The following LLGL2 variants were observed in gnomAD, a reference collection of about 807,000 sequenced individuals.
The protein encoded by LLGL2 is LLGL2, scribble cell polarity complex component.
A neutral mutation model predicts 123.2 loss-of-function variants in LLGL2; 81 were observed. The ratio of observed to expected loss-of-function variants is 0.66; its 90% confidence interval spans 0.55 to 0.79. The LOEUF is 0.79. Ranked by LOEUF, LLGL2 falls within the 30% of genes least tolerant of loss-of-function variation. LLGL2 has a pLI of 0.00. For missense variants in LLGL2, 1,273 were observed against 1,414.6 expected (o/e 0.90, Z 1.61); for synonymous variants, 577 against 594.1 (o/e 0.97, Z 0.42).
At chr17:75,540,734 T>C (rs1311934457) in intron 1 of LLGL2, among the ~76,000 whole-genome samples, 1 of 152,188 alleles carries the variant, frequency 6.6e-6, no homozygotes, top group Non-Finnish European at 1.5e-5. Flanking sequence ...CTTGGTGACC[T>C]TGACAGGGTG....
chr17:75,568,087 A>G (rs1477071952), intron 10 of LLGL2: 1 of 1,120,948 alleles, frequency 8.9e-7, no homozygotes, highest in Non-Finnish European at 1.1e-6. Flanking sequence ...TGTGCTGAAG[A>G]CCACGCGTGC....
At chr17:75,526,399 G>A (rs2053574103) in intron 1 of LLGL2, among the ~76,000 whole-genome samples, 1 of 152,276 alleles carries the variant, frequency 6.6e-6, no homozygotes, top group Non-Finnish European at 1.5e-5. Flanking sequence ...TCACATGACA[G>A]TGCGGAGACC....
Position 75,558,836 on chromosome 17 carries a change from TCCGCACCCCAC to T in LLGL2, c.371+211_371+221del, listed in dbSNP as rs1598595634. 9 of 391,466 alleles carry T rather than the reference TCCGCACCCCAC, an allele frequency of 2.3e-5. No homozygotes were observed. The highest frequency in any genetic ancestry group is 3.2e-5 in the Non-Finnish European group (7 of 221,180). The allele number at this position is 391,466 out of a possible 1,614,324, so 24.2% of individuals were successfully genotyped here. ...CTCCATCCACACCACGCCTCCTCCA[TCCGCACCCCAC>T]CTCCTCCATCCGCACCCCGCCTCCT... On this transcript the variant is annotated intron_variant, in intron 5 of 25. Transcript: ENST00000392550. The surrounding 1 kb of genome is among the most constrained non-coding windows in gnomAD (Gnocchi z 4.0).
At chr17:75,550,673 T>A (rs912034148) in intron 2 of LLGL2, among the ~76,000 whole-genome samples, 2 of 150,514 alleles carry the variant, frequency 1.3e-5, no homozygotes, top group African/African-American at 4.9e-5. Context: ...TAGTTCTAGC[T>A]ACTCGGGAGA....
chr17:75,525,615 G>C (rs193241835), upstream of LLGL2: 1 of 150,278 alleles, frequency 6.7e-6, no homozygotes, highest in Non-Finnish European at 1.5e-5. This position sits in a 1 kb window ranked among gnomAD's most constrained non-coding sequence, Gnocchi z 4.8. Flanking sequence ...GCGCCGAGCT[G>C]GGGGGCGGGC....
At chr17:75,573,723 G>T (rs2055840369) in intron 21 of LLGL2, 92 bp downstream of exon 21, 2 of 1,382,144 alleles carry the variant, frequency 1.4e-6, no homozygotes, top group Admixed American at 4.4e-5. Flanking sequence ...CTGGCTGGAG[G>T]CACCTCCCCA....
chr17:75,563,843 C>T, intron 9 of LLGL2, 37 bp downstream of exon 9: 1 of 1,598,742 alleles, frequency 6.3e-7, no homozygotes, highest in Non-Finnish European at 8.6e-7. Context: ...CTCTCCAGAG[C>T]CTTCCTGGAG....
chr17:75,565,919 G>A (rs1220141091), intron 10 of LLGL2, among the ~76,000 whole-genome samples: 1 of 152,224 alleles, frequency 6.6e-6, no homozygotes, highest in African/African-American at 2.4e-5. Context: ...TGAGGCCCCT[G>A]TTCCCATGGA....
chr17:75,563,455 T>A lies in LLGL2; in HGVS notation c.818T>A (p.Val273Glu). 6.2e-7 allele frequency: 1 copy of A among 1,612,516 alleles called. No individual in the cohort carries two copies. The highest frequency in any genetic ancestry group is 8.5e-7 in the Non-Finnish European group (1 of 1,179,988). Reference protein sequence around the residue: ...AQQPEPLRSLVPYGPFPCKAI... With the variant: ...AQQPEPLRSLEPYGPFPCKAI... ...CAACCAGAGCCCCTCCGCAGCCTCG[T>A]GCCTTACGGTCAGTGTTTCACCCGC... Residue 273 changes from valine (V) to glutamate (E), a missense_variant, in exon 8 of 26, where the codon GTG becomes GAG. Val to Glu is a moderately radical substitution (Grantham distance 121). Transcript: ENST00000392550.
At position 75,559,959 on chromosome 17, in the gene LLGL2, G is replaced by A. The variant is rs2055125409; in HGVS notation, c.530+549G>A. 6.6e-6 allele frequency among the ~76,000 whole-genome samples: 1 copy of A among 152,100 alleles called. No individual in the cohort carries two copies. Among genetic ancestry groups the A allele is most frequent in the Admixed American group, 6.5e-5 (1 of 15,284 alleles). On this transcript the variant is annotated intron_variant, in intron 6 of 25. Transcript: ENST00000392550. This position sits in a 1 kb window ranked among gnomAD's most constrained non-coding sequence, Gnocchi z 4.6. ...GGTCCGGGTGGGAGAAGGGGACGGG[G>A]CCCAAAAAAAGAGAGGAGATAGCAT...
rs1252713664 is a variant in LLGL2 at position 75,568,821 on chromosome 17, G to A, written c.1304G>A (p.Arg435Lys). The A allele has an allele frequency of 1.8e-5, 28 of 1,592,134 alleles. No individual in the cohort carries two copies. The highest frequency in any genetic ancestry group is 2.1e-5 in the Non-Finnish European group (25 of 1,168,200). Residue 435 changes from arginine (R) to lysine (K), a missense_variant, in exon 12 of 26, where the codon AGG (arginine) becomes AAG (lysine). Arg to Lys is a conservative substitution (Grantham distance 26). Coordinates refer to ENST00000392550, the MANE Select transcript of LLGL2 (RefSeq NM_001031803.2). ...GTSLTPAPPQ[R>K]DLLLTGHEDG... is the part of the protein sequence containing the mutation. ...AGCCTGACCCCAGCCCCACCCCAGA[G>A]GGACCTGCTGCTCACAGGGTAGGGT... is the stretch of plus-strand genomic sequence containing the variant.
Position 75,574,885 on chromosome 17 carries a change from G to A in LLGL2, c.*7G>A. 2 of 1,614,042 alleles carry A rather than the reference G, an allele frequency of 1.2e-6. No homozygotes were observed. Among genetic ancestry groups the A allele is most frequent in the Non-Finnish European group, 8.5e-7 (1 of 1,179,962 alleles). ...GTGTCCTTCAGCAGAGTGAGTGGCT[G>A]AGCGTCCAGGCTGCGCGATGAGCAC... On this transcript the variant is annotated 3_prime_UTR_variant, in exon 26 of 26. Coordinates refer to ENST00000392550, the MANE Select transcript of LLGL2 (RefSeq NM_001031803.2).
At chr17:75,537,891 C>G (rs1438970897) in intron 1 of LLGL2, among the ~76,000 whole-genome samples, 1 of 151,130 alleles carries the variant, frequency 6.6e-6, no homozygotes, top group Non-Finnish European at 1.5e-5. Flanking sequence ...TCACTGCAGC[C>G]TCCGCCTCCT....
intron 6 of LLGL2, among the ~76,000 whole-genome samples, chr17:75,560,463 GTTTA>G (rs1238868091): frequency 6.6e-6 from 1 of 152,108 alleles, no homozygotes; most frequent in Admixed American, 6.5e-5. Context: ...CCTCCTGCCA[GTTTA>G]TTTATATTAT....
At chr17:75,543,796 A>T (rs1639495632) in intron 2 of LLGL2, among the ~76,000 whole-genome samples, 1 of 152,142 alleles carries the variant, frequency 6.6e-6, no homozygotes, top group Admixed American at 6.6e-5. Flanking sequence ...CATGGGAATA[A>T]AACGATCTGC....
At chr17:75,573,430 C>G (rs117651797) in intron 20 of LLGL2, 51 bp from the exon 21 acceptor site, 15 of 1,584,224 alleles carry the variant, frequency 9.5e-6, no homozygotes, top group Non-Finnish European at 1.0e-5. Context: ...GGTGGGGAGG[C>G]AGCCTTGGCA....
At chr17:75,562,768 C>T (rs764024504) in intron 6 of LLGL2, 10 of 539,308 alleles carry the variant, frequency 1.9e-5, no homozygotes, top group Non-Finnish European at 3.3e-5. Context: ...CAGGGTTTTG[C>T]CATGTTGGCC....
intron 10 of LLGL2, among the ~76,000 whole-genome samples, chr17:75,567,413 G>A (rs1162816494): frequency 6.6e-6 from 1 of 152,020 alleles, no homozygotes; most frequent in Non-Finnish European, 1.5e-5. Context: ...GCAGTGAGCC[G>A]AGATCATGCC....
chr17:75,574,019 C>T, intron 22 of LLGL2, 39 bp downstream of exon 22: 1 of 1,550,270 alleles, frequency 6.5e-7, no homozygotes, highest in Middle Eastern at 1.7e-4. Flanking sequence ...ACCTGGGCCA[C>T]ACCCGGCCCA....
Sources: gnomAD v4.1 joint callset for allele counts (sites outside exome capture counted in the v4.1 genomes callset) on GRCh38, gnomAD v4.1.1 for gene constraint, Gnocchi (gnomAD v3.1) non-coding constraint, MANE v1.5 for transcripts, NCBI Gene and HGNC (gene_info 2026-07-23, HGNC 2026-07-21) for gene names.